CALD1: variants seen among roughly 807,000 people sequenced by gnomAD.
CALD1 encodes caldesmon 1.
CALD1 carries 33 observed loss-of-function variants against 99.9 expected under a neutral mutation model. The observed-to-expected ratio is 0.33, with a 90% CI of 0.25 to 0.44. The LOEUF (loss-of-function observed/expected upper bound fraction) is 0.44, where lower values mean the gene tolerates loss of function less well. Among genes scored for constraint, CALD1 ranks in the 20% least tolerant of loss-of-function variants. CALD1 has a pLI of 1.00. For missense variants in CALD1, 861 were observed against 962.1 expected, an observed-to-expected ratio of 0.89 and a Z score of 1.39; for synonymous variants, 310 against 325.0, an observed-to-expected ratio of 0.95 and a Z score of 0.50.
intron 7 of CALD1, among the ~76,000 whole-genome samples, chr7:134,945,537 T>G (rs1806793400): frequency 6.6e-6 from 1 of 152,216 alleles, no homozygotes; most frequent in African/African-American, 2.4e-5. Context: ...TTTGAGTATA[T>G]TATTCTCTGT....
chr7:134,777,635 C>T (rs372243885), upstream of CALD1, among the ~76,000 whole-genome samples: 2 of 152,056 alleles, frequency 1.3e-5, no homozygotes, highest in Admixed American at 6.6e-5. Context: ...TAAGCAGCAG[C>T]GGTAATGGAA....
intron 2 of CALD1, among the ~76,000 whole-genome samples, chr7:134,844,904 T>C (rs1415594826): frequency 6.6e-6 from 1 of 152,232 alleles, no homozygotes; most frequent in Non-Finnish European, 1.5e-5. Flanking sequence ...GACCTCATTT[T>C]AACTTAATCA....
chr7:134,899,272 C>T (rs1303424028), intron 3 of CALD1, among the ~76,000 whole-genome samples: 10 of 150,500 alleles, frequency 6.6e-5, no homozygotes, highest in African/African-American at 1.7e-4. Context: ...GGCACGATCT[C>T]GGCTCACTAC....
intron 4 of CALD1, among the ~76,000 whole-genome samples, chr7:134,932,760 C>T (rs1805619793): frequency 6.6e-6 from 1 of 152,130 alleles, no homozygotes; most frequent in African/African-American, 2.4e-5. Context: ...ACATTAATAC[C>T]GAAAGCACTT....
intron 4 of CALD1, among the ~76,000 whole-genome samples, chr7:134,931,685 G>A (rs1434393015): frequency 2.6e-5 from 4 of 152,138 alleles, no homozygotes; most frequent in Non-Finnish European, 5.9e-5. Context: ...CCTGCAAATA[G>A]AAACCAACAC....
chr7:134,840,443 C>A (rs1799606970), intron 1 of CALD1, among the ~76,000 whole-genome samples: 1 of 152,176 alleles, frequency 6.6e-6, no homozygotes, highest in South Asian at 2.1e-4. Context: ...CGTGGCTGAA[C>A]TCTCCAAGTG....
intron 7 of CALD1, among the ~76,000 whole-genome samples, chr7:134,944,077 G>A (rs532757700): frequency 2.0e-5 from 3 of 152,222 alleles, no homozygotes; most frequent in African/African-American, 7.2e-5. Context: ...CAAAGAGAGA[G>A]CAAACTCATT....
chr7:134,884,426 A>G (rs4732066), intron 3 of CALD1, among the ~76,000 whole-genome samples: 112,601 of 152,046 alleles, frequency 0.74, 42,267 homozygotes, highest in East Asian at 0.93. Flanking sequence ...GCAGCTTCCT[A>G]ACATCCTGGC....
At chr7:134,728,547 T>C in the CALD1 span, among the ~76,000 whole-genome samples, 4 of 152,224 alleles carry the variant, frequency 2.6e-5, no homozygotes, top group African/African-American at 9.6e-5. Context: ...CAGAGGAACA[T>C]TTAGGCCGAA....
chr7:134,930,599 T>C (rs1454347551), intron 4 of CALD1, among the ~76,000 whole-genome samples: 1 of 152,186 alleles, frequency 6.6e-6, no homozygotes, highest in East Asian at 1.9e-4. Context: ...CCTCAATAAG[T>C]AGCTTCTAAT....
chr7:134,745,957 T>A (rs1585895248), intron 1 of CALD1, among the ~76,000 whole-genome samples: 2 of 152,214 alleles, frequency 1.3e-5, no homozygotes, highest in South Asian at 4.1e-4. Flanking sequence ...TATGGTGTTA[T>A]CTACCATGGT....
At position 134,902,526 on chromosome 7, in the gene CALD1, T is replaced by C. The variant is rs60215046; in HGVS notation, c.72-26228T>C. Among the ~76,000 whole-genome samples, 1,236 of 152,176 alleles carry C rather than the reference T, an allele frequency of 8.1e-3. 25 individuals carry two copies. The highest frequency in any genetic ancestry group is 0.028 in the African/African-American group (1,168 of 41,458). ...ACTCCCAGGAAATGGAGTGGCTCTGTGATCCAGCTACCCCTGGGAGCCTAG... is the reference window on the plus strand; with the variant it reads ...ACTCCCAGGAAATGGAGTGGCTCTGCGATCCAGCTACCCCTGGGAGCCTAG... On this transcript the variant is annotated intron_variant, in intron 3 of 14. Transcript: ENST00000361675.
chr7:134,728,266 C>T, the CALD1 span, among the ~76,000 whole-genome samples: 1 of 152,098 alleles, frequency 6.6e-6, no homozygotes, highest in East Asian at 1.9e-4. Flanking sequence ...GAACAATGAA[C>T]GATTCACGAA....
At chr7:134,802,383 ATGT>A (rs1563011709) in intron 1 of CALD1, among the ~76,000 whole-genome samples, 1 of 150,814 alleles carries the variant, frequency 6.6e-6, no homozygotes, top group Non-Finnish European at 1.5e-5. Flanking sequence ...TGATTCATCC[ATGT>A]TGTTGCATGT....
intron 3 of CALD1, among the ~76,000 whole-genome samples, chr7:134,918,479 A>G (rs1290307009): frequency 1.3e-5 from 2 of 152,258 alleles, no homozygotes; most frequent in Non-Finnish European, 2.9e-5. Flanking sequence ...TTAAGGCAAC[A>G]CTGAAAAATA....
intron 1 of CALD1, among the ~76,000 whole-genome samples, chr7:134,836,314 G>A (rs1164737853): frequency 1.3e-5 from 2 of 152,236 alleles, no homozygotes; most frequent in East Asian, 3.9e-4. Context: ...AACACAGGCA[G>A]AAGAGAACCA....
intron 1 of CALD1, among the ~76,000 whole-genome samples, chr7:134,755,519 G>T (rs1332502334): frequency 1.3e-5 from 2 of 152,020 alleles, no homozygotes; most frequent in Non-Finnish European, 2.9e-5. Context: ...TTTCTATTGG[G>T]TGGCTTATCT....
the CALD1 span, among the ~76,000 whole-genome samples, chr7:134,723,073 A>G: frequency 2.0e-5 from 3 of 152,158 alleles, no homozygotes; most frequent in African/African-American, 4.8e-5. Context: ...AATATTAACT[A>G]TCACCCCCAC....
At chr7:134,908,075 G>C (rs1006476257) in intron 3 of CALD1, among the ~76,000 whole-genome samples, 1 of 152,100 alleles carries the variant, frequency 6.6e-6, no homozygotes, top group East Asian at 1.9e-4. Flanking sequence ...ATATCATGCT[G>C]ACACAGTTTA....
Sources: gnomAD v4.1 joint callset for allele counts (sites outside exome capture counted in the v4.1 genomes callset) on GRCh38, gnomAD v4.1.1 for gene constraint, MANE v1.5 for transcripts, NCBI Gene and HGNC (gene_info 2026-07-23, HGNC 2026-07-21) for gene names.